Variants in MYT1L observed in about 807,000 individuals in gnomAD.
MYT1L encodes myelin transcription factor 1 like, also known as myelin transcription factor 1-like protein.
MYT1L carries 12 observed loss-of-function variants against 126.7 expected under a neutral mutation model. That is an observed-to-expected ratio of 0.09 (90% CI 0.06 to 0.15). MYT1L has a LOEUF of 0.15. Among genes scored for constraint, MYT1L ranks in the 10% least tolerant of loss-of-function variants. MYT1L has a pLI of 1.00. For synonymous variants in MYT1L, 541 were observed against 604.2 expected (o/e 0.90, Z 1.53); for missense variants, 979 against 1,585.2 (o/e 0.62, Z 6.49).
chr2:2,033,386 C>G (rs1478738336), intron 4 of MYT1L, among the ~76,000 whole-genome samples: 1 of 151,064 alleles, frequency 6.6e-6, no homozygotes, highest in Non-Finnish European at 1.5e-5. Flanking sequence ...TACACATACC[C>G]CTCGCCAGTG....
At chr2:2,129,798 CG>C (rs1575376663) in intron 3 of MYT1L, among the ~76,000 whole-genome samples, 5 of 150,938 alleles carry the variant, frequency 3.3e-5, no homozygotes, top group African/African-American at 1.2e-4. Flanking sequence ...CCCAGCTACT[CG>C]GGAGGCTGAG....
intron 19 of MYT1L, chr2:1,842,113 G>A (rs775996448): frequency 2.0e-5 from 3 of 152,262 alleles, no homozygotes; most frequent in Non-Finnish European, 4.4e-5. Flanking sequence ...CTGGCACACG[G>A]GTGGGTCCAG....
At chr2:1,837,582 C>T (rs746793988) in intron 21 of MYT1L, among the ~76,000 whole-genome samples, 6 of 152,086 alleles carry the variant, frequency 3.9e-5, no homozygotes, top group African/African-American at 9.7e-5. Context: ...GACGTTCACG[C>T]GGAGTTCTTT....
At chr2:2,207,649 A>G (rs948369413) in intron 2 of MYT1L, among the ~76,000 whole-genome samples, 1 of 152,216 alleles carries the variant, frequency 6.6e-6, no homozygotes, top group Non-Finnish European at 1.5e-5. Flanking sequence ...GTTGACAATT[A>G]TTCTAGAGGC....
At chr2:2,088,788 C>A (rs1004252022) in intron 3 of MYT1L, among the ~76,000 whole-genome samples, 2 of 152,144 alleles carry the variant, frequency 1.3e-5, no homozygotes, top group Admixed American at 1.3e-4. Context: ...TTTGAACGAA[C>A]AATTACGACC....
At chr2:2,017,286 A>G (rs1323524329) in intron 4 of MYT1L, among the ~76,000 whole-genome samples, 4 of 152,244 alleles carry the variant, frequency 2.6e-5, no homozygotes, top group Non-Finnish European at 5.9e-5. Context: ...CAGGTTTGCA[A>G]AAGTTATTCA....
At chr2:2,223,645 C>A (rs1342432457) in intron 2 of MYT1L, among the ~76,000 whole-genome samples, 2 of 152,092 alleles carry the variant, frequency 1.3e-5, no homozygotes, top group African/African-American at 4.8e-5. Flanking sequence ...TATTTTTTTA[C>A]AAGACTTTAT....
chr2:2,030,748 C>T (rs1296824928), intron 4 of MYT1L, among the ~76,000 whole-genome samples: 1 of 152,146 alleles, frequency 6.6e-6, no homozygotes, highest in Non-Finnish European at 1.5e-5. Flanking sequence ...CCTGTAAGTA[C>T]AATACAGGTG....
intron 3 of MYT1L, among the ~76,000 whole-genome samples, chr2:2,076,924 GA>G (rs1341603077): frequency 6.6e-6 from 1 of 152,082 alleles, no homozygotes; most frequent in African/African-American, 2.4e-5. Context: ...AATAACTAAA[GA>G]AAACTGTCTG....
intron 4 of MYT1L, among the ~76,000 whole-genome samples, 175 bp downstream of exon 4, chr2:2,053,803 T>C (rs900840715): frequency 1.3e-5 from 2 of 152,262 alleles, no homozygotes; most frequent in African/African-American, 4.8e-5. Flanking sequence ...ATTCTGACTT[T>C]ATATTGAATT....
At chr2:1,851,877 C>G (rs943740991) in intron 18 of MYT1L, among the ~76,000 whole-genome samples, 174 bp from the exon 19 acceptor site, 13 of 152,176 alleles carry the variant, frequency 8.5e-5, no homozygotes, top group Non-Finnish European at 5.9e-5. Flanking sequence ...TGACCACACA[C>G]ACACCTTCCA....
intron 1 of MYT1L, among the ~76,000 whole-genome samples, chr2:2,329,641 A>C (rs1055681571): frequency 1.3e-5 from 2 of 152,232 alleles, no homozygotes; most frequent in African/African-American, 4.8e-5. Context: ...GGATTATATA[A>C]CAACTGTTAT....
intron 4 of MYT1L, among the ~76,000 whole-genome samples, chr2:1,998,830 C>T (rs1409655084): frequency 1.3e-5 from 2 of 152,132 alleles, no homozygotes. Flanking sequence ...CACACAATTC[C>T]TACCCGCCTT....
At chr2:1,974,477 C>T (rs1480763915) in intron 8 of MYT1L, 1 of 152,136 alleles carries the variant, frequency 6.6e-6, no homozygotes, top group Non-Finnish European at 1.5e-5. Context: ...AGACAAAAAC[C>T]TCAGTTGGGA....
intron 3 of MYT1L, among the ~76,000 whole-genome samples, chr2:2,132,253 G>A (rs529880518): frequency 3.9e-5 from 6 of 151,990 alleles, no homozygotes; most frequent in South Asian, 4.2e-4. Context: ...TTAAGAAATC[G>A]TTCTACTATA....
chr2:1,995,795 C>T (rs1466939455), intron 5 of MYT1L, among the ~76,000 whole-genome samples: 1 of 152,096 alleles, frequency 6.6e-6, no homozygotes, highest in Admixed American at 6.5e-5. Context: ...AGGAGGAGGC[C>T]AGCGTGTAGT....
chr2:1,989,019 A>G (rs899208382), intron 5 of MYT1L, among the ~76,000 whole-genome samples: 1 of 152,124 alleles, frequency 6.6e-6, no homozygotes, highest in East Asian at 1.9e-4. Context: ...TCATAATACC[A>G]AATATTATAT....
chr2:1,987,379 T>C (rs1337174370), intron 5 of MYT1L, among the ~76,000 whole-genome samples: 10 of 142,932 alleles, frequency 7.0e-5, no homozygotes, highest in Admixed American at 5.4e-4. Context: ...TCTGAAAGCA[T>C]TGCTCTAAAT....
At chr2:2,206,408 A>C (rs2093324386) in intron 2 of MYT1L, among the ~76,000 whole-genome samples, 1 of 152,172 alleles carries the variant, frequency 6.6e-6, no homozygotes. Flanking sequence ...TTTTGATAAA[A>C]CGTCCATGAT....
Sources: allele counts gnomAD v4.1 joint callset (sites outside exome capture counted in the v4.1 genomes callset), GRCh38; gene constraint gnomAD v4.1.1; transcripts MANE v1.5; gene names NCBI Gene and HGNC (gene_info 2026-07-23, HGNC 2026-07-21).